The following ZNF277 variants were observed in gnomAD, a reference collection of about 807,000 sequenced individuals.
ZNF277 encodes the protein nuclear receptor-interacting factor 4.
ZNF277 carries 55 observed loss-of-function variants against 60.7 expected under a neutral mutation model. The observed-to-expected ratio is 0.91, with a 90% CI of 0.73 to 1.13. The LOEUF (loss-of-function observed/expected upper bound fraction) is 1.13, where lower values mean the gene tolerates loss of function less well. Among genes scored for constraint, ZNF277 ranks in the 50% most tolerant of loss-of-function variants. The pLI, the probability that ZNF277 is intolerant of heterozygous loss-of-function variation, is 0.00. For missense variants in ZNF277, 510 were observed against 523.0 expected (o/e 0.98, Z 0.24); for synonymous variants, 178 against 179.3 (o/e 0.99, Z 0.06).
intron 1 of ZNF277, among the ~76,000 whole-genome samples, chr7:112,223,129 A>G (rs1822078135): frequency 6.6e-6 from 1 of 152,248 alleles, no homozygotes; most frequent in Non-Finnish European, 1.5e-5. Flanking sequence ...TATATGTTTC[A>G]TTAGTTCTGT....
At chr7:112,234,986 T>G (rs1018449030) in intron 1 of ZNF277, among the ~76,000 whole-genome samples, 4 of 152,022 alleles carry the variant, frequency 2.6e-5, no homozygotes, top group Non-Finnish European at 5.9e-5. Context: ...TTCTGTTTGT[T>G]GTTTGTTAAT....
intron 4 of ZNF277, among the ~76,000 whole-genome samples, chr7:112,304,083 G>GATGGC (rs1563221937): frequency 6.6e-6 from 1 of 151,984 alleles, no homozygotes; most frequent in East Asian, 1.9e-4. Context: ...CATTGATATG[G>GATGGC]ATGGCTTTTC....
chr7:112,326,456 G>C (rs1793095086), intron 5 of ZNF277, among the ~76,000 whole-genome samples: 1 of 152,088 alleles, frequency 6.6e-6, no homozygotes, highest in Non-Finnish European at 1.5e-5. Flanking sequence ...CACAGCCTGA[G>C]CCTCAGGTCT....
chr7:112,212,507 ATATT>A (rs1240141059), intron 1 of ZNF277, among the ~76,000 whole-genome samples: 1 of 152,228 alleles, frequency 6.6e-6, no homozygotes, highest in Non-Finnish European at 1.5e-5. Flanking sequence ...TCATATTTAT[ATATT>A]TATGAAAGCC....
intron 5 of ZNF277, among the ~76,000 whole-genome samples, chr7:112,319,760 TA>T (rs1792934382): frequency 6.6e-6 from 1 of 151,132 alleles, no homozygotes; most frequent in Admixed American, 6.6e-5. Context: ...ACACCAGTGG[TA>T]AAGGTTTGAT....
chr7:112,230,967 C>T lies in ZNF277; in HGVS notation c.91+24160C>T, dbSNP rs903750354. 2.6e-5 allele frequency among the ~76,000 whole-genome samples: 4 copies of T among 152,210 alleles called. No homozygotes were observed. The East Asian group carries it at 5.8e-4, about 22-fold the overall frequency. On this transcript the variant is annotated intron_variant, in intron 1 of 11. Coordinates refer to ENST00000361822, the MANE Select transcript of ZNF277 (RefSeq NM_021994.3). ...TGGTGGCTGACACCTGTAATCCCAGCACTTTGGGAGGCGAAGGTGGGCAGA... is the reference window on the plus strand; with the variant it reads ...TGGTGGCTGACACCTGTAATCCCAGTACTTTGGGAGGCGAAGGTGGGCAGA...
intron 4 of ZNF277, among the ~76,000 whole-genome samples, chr7:112,308,657 C>T (rs922756759): frequency 6.6e-6 from 1 of 151,996 alleles, no homozygotes; most frequent in Non-Finnish European, 1.5e-5. Context: ...TTTTGAGTAA[C>T]AATTAAATGA....
chr7:112,230,050 G>GAAAGAACTTGGAGTTTCGCCATGCA (rs1563198039), intron 1 of ZNF277, among the ~76,000 whole-genome samples: 1 of 152,236 alleles, frequency 6.6e-6, no homozygotes, highest in Non-Finnish European at 1.5e-5. Context: ...TGGGCCATGC[G>GAAAGAACTTGGAGTTTCGCCATGCA]AAAGAACTTG....
At chr7:112,252,721 C>T (rs1015189502) in intron 1 of ZNF277, among the ~76,000 whole-genome samples, 1 of 152,142 alleles carries the variant, frequency 6.6e-6, no homozygotes, top group African/African-American at 2.4e-5. Flanking sequence ...GAAGTACCCT[C>T]ATCAGATGAA....
chr7:112,255,545 A>G (rs1791290388), intron 1 of ZNF277, among the ~76,000 whole-genome samples: 1 of 152,228 alleles, frequency 6.6e-6, no homozygotes, highest in Non-Finnish European at 1.5e-5. Flanking sequence ...TAAAGAGCTA[A>G]ACAGGATTCA....
At chr7:112,211,245 C>G (rs1317244117) in intron 1 of ZNF277, among the ~76,000 whole-genome samples, 1 of 152,220 alleles carries the variant, frequency 6.6e-6, no homozygotes, top group Non-Finnish European at 1.5e-5. Flanking sequence ...GGCATCAAGT[C>G]TAAGCTAGAA....
chr7:112,246,333 G>T (rs1228251831), intron 1 of ZNF277, among the ~76,000 whole-genome samples: 1 of 152,164 alleles, frequency 6.6e-6, no homozygotes, highest in South Asian at 2.1e-4. Flanking sequence ...GGTCGAGGCT[G>T]CAGTGAGCCG....
chr7:112,302,208 C>T (rs1792492313), intron 4 of ZNF277, among the ~76,000 whole-genome samples: 1 of 152,038 alleles, frequency 6.6e-6, no homozygotes, highest in South Asian at 2.1e-4. Context: ...AATTTATCTT[C>T]AGGAGAGAAA....
chr7:112,282,050 C>A (rs1225348174), intron 1 of ZNF277, among the ~76,000 whole-genome samples: 1 of 152,174 alleles, frequency 6.6e-6, no homozygotes, highest in Non-Finnish European at 1.5e-5. Flanking sequence ...CCAGGGTGGT[C>A]TCAAACTCCT....
intron 7 of ZNF277, among the ~76,000 whole-genome samples, chr7:112,333,864 G>T (rs887988661): frequency 6.6e-6 from 1 of 152,192 alleles, no homozygotes; most frequent in Non-Finnish European, 1.5e-5. Flanking sequence ...TTGGGGATAA[G>T]GTGCCAGTTA....
chr7:112,271,830 AG>A (rs935717236), intron 1 of ZNF277, among the ~76,000 whole-genome samples: 1 of 152,006 alleles, frequency 6.6e-6, no homozygotes, highest in African/African-American at 2.4e-5. Context: ...TACTAGGTGT[AG>A]GTATTTATGG....
chr7:112,339,858 G>T lies in ZNF277; in HGVS notation c.982G>T (p.Asp328Tyr), dbSNP rs1793409263. The T allele has an allele frequency of 3.1e-6, 5 of 1,611,732 alleles. No homozygotes were observed. In the East Asian group the frequency reaches 1.1e-4, roughly 36 times the overall value. Residue 328 changes from aspartate to tyrosine, a missense_variant, in exon 10 of 12, where the codon GAT becomes TAT. Physicochemically the swap from Asp to Tyr is radical, Grantham distance 160. Transcript: ENST00000361822. ...CCTTTTTTAGGATGCACACGAATTT[G>T]ATCTTCTCAAAATAAAGTCAGAACT... Reference protein sequence around the residue: ...YVHMEDAHEFDLLKIKSELGL... With the variant: ...YVHMEDAHEFYLLKIKSELGL...
chr7:112,210,465 G>GTTTTTTT (rs66533644), intron 1 of ZNF277, among the ~76,000 whole-genome samples: 4 of 132,680 alleles, frequency 3.0e-5, no homozygotes, highest in Non-Finnish European at 4.9e-5. Flanking sequence ...TTTGTTTTTT[G>GTTTTTTT]TTTTTTTTTT....
At chr7:112,207,582 A>G (rs1821574404) in intron 1 of ZNF277, among the ~76,000 whole-genome samples, 1 of 152,142 alleles carries the variant, frequency 6.6e-6, no homozygotes, top group Admixed American at 6.5e-5. Flanking sequence ...TAAAAAACCA[A>G]ATTTTGAAAG....
Sources: allele counts gnomAD v4.1 joint callset (sites outside exome capture counted in the v4.1 genomes callset), GRCh38; gene constraint gnomAD v4.1.1; transcripts MANE v1.5; gene names NCBI Gene and HGNC (gene_info 2026-07-23, HGNC 2026-07-21).